MMP8: variants seen among roughly 807,000 people sequenced by gnomAD.
The protein encoded by MMP8 is matrix metallopeptidase 8, also known as neutrophil collagenase.
Under a neutral mutation model 51.2 loss-of-function variants are expected in MMP8, and 67 were observed. The ratio of observed to expected loss-of-function variants is 1.31; its 90% CI spans 1.08 to 1.60. The LOEUF (loss-of-function observed/expected upper bound fraction) is 1.60. MMP8 is among the 40% of genes most tolerant of loss of function. MMP8 has a pLI of 0.00. For synonymous variants in MMP8, 225 were observed against 191.0 expected (o/e 1.18, Z -1.47); for missense variants, 654 against 558.1 (o/e 1.17, Z -1.73).
intron 2 of MMP8, among the ~76,000 whole-genome samples, chr11:102,722,201 T>A (rs1479627521): frequency 1.3e-5 from 2 of 151,818 alleles, no homozygotes; most frequent in Non-Finnish European, 2.9e-5. Flanking sequence ...TTGCTGGTAG[T>A]CCTCTTTAGA....
rs1040128043 is a variant in MMP8 at position 102,721,348 on chromosome 11, C to A, written c.622+53G>T. 4.4e-6 allele frequency: 7 copies of A among 1,578,194 alleles called. No homozygotes were observed. In the South Asian group the frequency reaches 5.6e-5, roughly 13 times the overall value. ...TGTGTGTGTGTGTGTGTATTCTAAT[C>A]TGTAAAAGGTTAATTCAGAAGCTGT... On this transcript the variant is annotated intron_variant, in intron 4 of 9. Transcript: ENST00000236826.
rs184388103 is a variant in MMP8, at chr11:102,718,344, T to G, written c.784+70A>C. Reference sequence around the variant, plus strand: ...TGCAGAAGTGCAAAGGAAGAGATATTCAGATTCTGGGAGTGTTCGCCTATT... The same window carrying G: ...TGCAGAAGTGCAAAGGAAGAGATATGCAGATTCTGGGAGTGTTCGCCTATT... On this transcript the variant is annotated intron_variant, in intron 5 of 9. Coordinates refer to ENST00000236826, the MANE Select transcript of MMP8 (RefSeq NM_002424.3). 16 of 1,454,588 alleles carry G rather than the reference T, an allele frequency of 1.1e-5. No homozygotes were observed. The Admixed American group carries it at 1.4e-4, about 13-fold the overall frequency. 90.1% of individuals were successfully genotyped at this position (1,454,588 alleles called of 1,614,324 possible).
chr11:102,721,648 T>C lies in MMP8; in HGVS notation c.462A>G (p.Gly154=). The change falls in exon 3 of 10, where the codon GGA becomes GGG. Residue 154 remains glycine, a synonymous_variant. Coordinates refer to ENST00000236826, the MANE Select transcript of MMP8 (RefSeq NM_002424.3). ...AAAAAGCAATGTTGATATCTGCCTC[T>C]CCCTGTGAGATCCTGGTGAAGATGA... ...SPLIFTRISQ[G]EADINIAFYQ... 6.2e-7 allele frequency: 1 copy of C among 1,613,884 alleles called. No individual in the cohort carries two copies. Among genetic ancestry groups the C allele is most frequent in the Non-Finnish European group, 8.5e-7 (1 of 1,179,850 alleles).
At chr11:102,723,914 C>T (rs1019281914) in intron 1 of MMP8, 21 of 325,088 alleles carry the variant, frequency 6.5e-5, no homozygotes, top group African/African-American at 4.3e-4. Flanking sequence ...CACTTGGCCA[C>T]ATTATTTATC....
rs1180478758 is a variant in MMP8, at chr11:102,718,503, C to A, written c.695G>T (p.Gly232Val). 1 of 1,613,872 alleles carries A rather than the reference C, an allele frequency of 6.2e-7. No individual in the cohort carries two copies. ...AGCATAGTTGGGATACATCAAGGCA[C>A]CAGGGTCAGAGGAGTGAGCGAGCCC... ...SLGLAHSSDP[G>V]ALMYPNYAFR... The change falls in exon 5 of 10, where the codon GGT (glycine) becomes GTT (valine). Residue 232 changes from glycine (G) to valine (V), a missense_variant. Coordinates refer to ENST00000236826, the MANE Select transcript of MMP8 (RefSeq NM_002424.3).
intron 3 of MMP8, 29 bp downstream of exon 3, chr11:102,721,584 CA>C: frequency 6.2e-7 from 1 of 1,613,302 alleles, no homozygotes; most frequent in East Asian, 2.2e-5. Flanking sequence ...CCAAAGAAAG[CA>C]AAACTGAGCA....
chr11:102,718,717 G>T, intron 4 of MMP8, 142 bp from the exon 5 acceptor site: 1 of 889,426 alleles, frequency 1.1e-6, no homozygotes. Flanking sequence ...CTTTCTTTCA[G>T]ATACCTGAGA....
chr11:102,712,489 G>A lies in MMP8; in HGVS notation c.*859C>T, dbSNP rs1565433877. The A allele has an allele frequency of 6.6e-6, 1 of 152,204 alleles. No homozygotes were observed. The highest frequency in any genetic ancestry group is 1.5e-5 in the Non-Finnish European group (1 of 68,042). The allele number at this position is 152,204 out of a possible 1,614,324, so 9.4% of individuals were successfully genotyped here. On this transcript the variant is annotated 3_prime_UTR_variant, in exon 10 of 10. Coordinates refer to ENST00000236826, the MANE Select transcript of MMP8 (RefSeq NM_002424.3). ...TATTCCCTCACGGTTTTGGAGGATA[G>A]AAGTCCGAATTCTGCAGGTGTCAGC...
At chr11:102,718,366 T>A (rs753879777) in intron 5 of MMP8, 48 bp downstream of exon 5, 1 of 1,553,932 alleles carries the variant, frequency 6.4e-7, no homozygotes, top group South Asian at 1.2e-5. Context: ...AGTGTTCGCC[T>A]ATTCCCAGGT....
At chr11:102,723,379 A>G (rs1306155265) in intron 1 of MMP8, 1 of 370,614 alleles carries the variant, frequency 2.7e-6, no homozygotes, top group Non-Finnish European at 5.3e-6. Context: ...CTGCCTGTGA[A>G]CACCTGGCAC....
Position 102,722,560 on chromosome 11 carries a change from C to T in MMP8, c.216G>A (p.Leu72=), listed in dbSNP as rs758815981. Residue 72 remains leucine, a synonymous_variant, in exon 2 of 10, where the codon TTG becomes TTA. Coordinates refer to ENST00000236826, the MANE Select transcript of MMP8 (RefSeq NM_002424.3). ...CCTCATTTGGCTTCCCCGTCACATTCAACCCAAAAAATCGCTGCATTTCTT... is the reference window on the plus strand; with the variant it reads ...CCTCATTTGGCTTCCCCGTCACATTTAACCCAAAAAATCGCTGCATTTCTT... ...KLKEMQRFFG[L]NVTGKPNEET... The T allele has an allele frequency of 5.6e-6, 9 of 1,613,970 alleles. No individual in the cohort carries two copies. Among genetic ancestry groups the T allele is most frequent in the Non-Finnish European group, 7.6e-6 (9 of 1,179,870 alleles).
intron 4 of MMP8, 58 bp downstream of exon 4, chr11:102,721,343 C>T (rs369107996): frequency 7.2e-7 from 1 of 1,395,410 alleles, no homozygotes; most frequent in Non-Finnish European, 9.9e-7. Context: ...TGTGTGTATT[C>T]TAATCTGTAA....
At chr11:102,715,756 T>C (rs1479128151) in intron 6 of MMP8, among the ~76,000 whole-genome samples, 1 of 152,196 alleles carries the variant, frequency 6.6e-6, no homozygotes, top group Admixed American at 6.5e-5. Context: ...GTAAATGCTG[T>C]GAACATATTG....
chr11:102,724,557 T>C (rs1320843680), intron 1 of MMP8, among the ~76,000 whole-genome samples, 197 bp downstream of exon 1: 1 of 152,220 alleles, frequency 6.6e-6, no homozygotes, highest in Non-Finnish European at 1.5e-5. Flanking sequence ...GAATTCAGCT[T>C]GTTTTCATGT....
intron 4 of MMP8, among the ~76,000 whole-genome samples, chr11:102,719,958 A>G (rs970761792): frequency 2.6e-5 from 4 of 152,236 alleles, no homozygotes; most frequent in African/African-American, 9.6e-5. Flanking sequence ...TAGCATGGCA[A>G]GATGAGAGAG....
At chr11:102,716,242 A>C (rs1861288894) in intron 6 of MMP8, 60 bp downstream of exon 6, 1 of 1,196,458 alleles carries the variant, frequency 8.4e-7, no homozygotes, top group Admixed American at 2.1e-5. Flanking sequence ...CTTAATTTGA[A>C]TCCAGTTTTA....
chr11:102,715,525 CT>C, intron 6 of MMP8, 88 bp from the exon 7 acceptor site: 1 of 1,485,674 alleles, frequency 6.7e-7, no homozygotes, highest in Non-Finnish European at 9.0e-7. Flanking sequence ...AGTGATGGTC[CT>C]TGTAGGATTG....
intron 8 of MMP8, 39 bp from the exon 9 acceptor site, chr11:102,713,896 C>T: frequency 6.7e-7 from 1 of 1,483,270 alleles, no homozygotes; most frequent in South Asian, 1.3e-5. Flanking sequence ...AACACCAATA[C>T]AGAATATAAC....
intron 2 of MMP8, among the ~76,000 whole-genome samples, chr11:102,722,078 A>G (rs189882581): frequency 3.9e-5 from 6 of 152,248 alleles, no homozygotes; most frequent in Non-Finnish European, 5.9e-5. Context: ...TTCCACAAAT[A>G]TTAGATATTA....
Sources: allele counts gnomAD v4.1 joint callset (sites outside exome capture counted in the v4.1 genomes callset), GRCh38; gene constraint gnomAD v4.1.1; transcripts MANE v1.5; gene names NCBI Gene and HGNC (gene_info 2026-07-23, HGNC 2026-07-21).